The following PPP1CB variants were observed in gnomAD, a reference collection of about 807,000 sequenced individuals.
PPP1CB encodes serine/threonine-protein phosphatase PP1-beta catalytic subunit.
A neutral mutation model predicts 43.7 loss-of-function variants in PPP1CB; 2 were observed. The ratio of observed to expected loss-of-function variants is 0.05; its 90% CI spans 0.02 to 0.14. The LOEUF is 0.14. Among genes scored for constraint, PPP1CB ranks in the 10% least tolerant of loss-of-function variants. PPP1CB has a pLI of 1.00. For missense variants in PPP1CB, 84 were observed against 398.0 expected, an observed-to-expected ratio of 0.21 and a Z score of 6.71; for synonymous variants, 136 against 135.6, an observed-to-expected ratio of 1.00 and a Z score of -0.02.
chr2:28,795,180 T>C (rs1667474198), intron 7 of PPP1CB, among the ~76,000 whole-genome samples: 1 of 152,238 alleles, frequency 6.6e-6, no homozygotes, highest in Non-Finnish European at 1.5e-5. Context: ...ATTTCCTTCC[T>C]TAATTTTATG....
rs769650329 is a variant in PPP1CB, at chr2:28,785,065, CTTTTTTTTT to C, written c.592+1107_592+1115del. 5.5e-4 allele frequency among the ~76,000 whole-genome samples: 30 copies of C among 54,992 alleles called. 1 individual carries two copies. The highest frequency in any genetic ancestry group is 1.2e-3 in the African/African-American group (15 of 12,058). The allele number at this position is 54,992 out of a possible 152,430, so 36.1% of individuals were successfully genotyped here. ...ATGTTGTAATAAATTGTGTTAGGAG[CTTTTTTTTT>C]TTTTTTTTTTTTTTTTTTTGAGACA... On this transcript the variant is annotated intron_variant, in intron 5 of 7. Transcript: ENST00000395366.
chr2:28,797,450 T>G (rs550821882), intron 7 of PPP1CB, among the ~76,000 whole-genome samples: 1 of 152,222 alleles, frequency 6.6e-6, no homozygotes, highest in South Asian at 2.1e-4. Flanking sequence ...TTGGAACTTG[T>G]TATTGTTCTG....
chr2:28,776,945 T>C lies in PPP1CB; in HGVS notation c.147T>C (p.Pro49=). 1.9e-6 allele frequency: 3 copies of C among 1,613,730 alleles called. No homozygotes were observed. The highest frequency in any genetic ancestry group is 2.5e-6 in the Non-Finnish European group (3 of 1,179,706). Residue 49 remains proline, a synonymous_variant, in exon 2 of 8, where the codon CCT becomes CCC. Coordinates refer to ENST00000395366, the MANE Select transcript of PPP1CB (RefSeq NM_002709.3). ...IKSREIFLSQ[P]ILLELEAPLK... is the part of the protein sequence containing the mutation. ...CTCGGGAGATCTTTCTCAGCCAGCC[T>C]ATTCTTTTGGAATTGGAAGCACCGC...
At chr2:28,796,588 T>C (rs1474834355) in intron 7 of PPP1CB, among the ~76,000 whole-genome samples, 2 of 152,184 alleles carry the variant, frequency 1.3e-5, no homozygotes, top group African/African-American at 2.4e-5. Context: ...ATGTTTTTGA[T>C]GTATAGAAAT....
At chr2:28,799,105 AG>A (rs749246247) in intron 7 of PPP1CB, 93 bp from the exon 8 acceptor site, 12 of 811,020 alleles carry the variant, frequency 1.5e-5, no homozygotes, top group Non-Finnish European at 2.4e-5. Context: ...GCATTTTTGC[AG>A]TTTATGCCAT....
intron 1 of PPP1CB, among the ~76,000 whole-genome samples, chr2:28,754,851 C>T (rs1273355456): frequency 1.3e-5 from 2 of 152,142 alleles, no homozygotes; most frequent in Admixed American, 1.3e-4. Context: ...AAGAATTTCT[C>T]TGCATTAGGG....
intron 5 of PPP1CB, among the ~76,000 whole-genome samples, chr2:28,784,670 C>T (rs570846809): frequency 2.6e-4 from 40 of 152,114 alleles, no homozygotes; most frequent in African/African-American, 8.7e-4. Context: ...GTAGTCCCAG[C>T]GCTTTGGGAG....
At chr2:28,786,400 C>T (rs1226126363) in intron 5 of PPP1CB, among the ~76,000 whole-genome samples, 1 of 152,134 alleles carries the variant, frequency 6.6e-6, no homozygotes, top group African/African-American at 2.4e-5. Context: ...AGGCGTGAGC[C>T]ACCATACCTG....
At chr2:28,771,347 G>A (rs570854427) in intron 1 of PPP1CB, among the ~76,000 whole-genome samples, 1 of 152,100 alleles carries the variant, frequency 6.6e-6, no homozygotes, top group East Asian at 1.9e-4. Flanking sequence ...CACTGTACTC[G>A]GCCTTATTCC....
chr2:28,774,127 TG>T (rs1666977406), intron 1 of PPP1CB, among the ~76,000 whole-genome samples: 1 of 152,216 alleles, frequency 6.6e-6, no homozygotes, highest in East Asian at 1.9e-4. Context: ...CACAATTACT[TG>T]AGAAGTGAAA....
At chr2:28,755,464 T>G (rs1666468005) in intron 1 of PPP1CB, among the ~76,000 whole-genome samples, 1 of 152,244 alleles carries the variant, frequency 6.6e-6, no homozygotes, top group Non-Finnish European at 1.5e-5. Context: ...TTTCTTGGAT[T>G]AACTTTTGCT....
intron 6 of PPP1CB, among the ~76,000 whole-genome samples, chr2:28,793,266 C>T (rs1446198090): frequency 1.3e-5 from 2 of 152,098 alleles, no homozygotes; most frequent in Non-Finnish European, 2.9e-5. Flanking sequence ...GGAGCATGAT[C>T]CATGTAAATT....
intron 5 of PPP1CB, among the ~76,000 whole-genome samples, chr2:28,788,318 AC>A (rs1391281995): frequency 6.6e-6 from 1 of 152,228 alleles, no homozygotes; most frequent in Non-Finnish European, 1.5e-5. Context: ...TTGAGGAAAT[AC>A]CACTGGGTTG....
intron 5 of PPP1CB, among the ~76,000 whole-genome samples, chr2:28,786,472 T>G (rs1011796569): frequency 2.6e-5 from 4 of 152,108 alleles, no homozygotes; most frequent in African/African-American, 9.7e-5. Context: ...GTTGCTACCA[T>G]TATTTGATTT....
rs1244515399 is a variant in PPP1CB at position 28,801,329 on chromosome 2, A to G, written c.*2026A>G. On this transcript the variant is annotated 3_prime_UTR_variant, in exon 8 of 8. Coordinates refer to ENST00000395366, the MANE Select transcript of PPP1CB (RefSeq NM_002709.3). ...AAGCCTTTGGCAGGGAAAAAGGGCA[A>G]TGTTGATTAATCTCAGTATTAAACC... 6.6e-6 allele frequency: 1 copy of G among 152,154 alleles called. No homozygotes were observed. The highest frequency in any genetic ancestry group is 1.5e-5 in the Non-Finnish European group (1 of 67,994). The allele number at this position is 152,154 out of a possible 1,614,324, so 9.4% of individuals were successfully genotyped here. A position where few individuals can be genotyped will look rare whatever the true frequency, so the allele number is the denominator to read the frequency against.
chr2:28,784,444 G>C (rs1274423816), intron 5 of PPP1CB, among the ~76,000 whole-genome samples: 1 of 151,804 alleles, frequency 6.6e-6, no homozygotes, highest in Admixed American at 6.6e-5. Context: ...TTTTCAAGGG[G>C]GTGTGGGAGG....
Position 28,764,335 on chromosome 2 carries a change from C to T in PPP1CB, c.52+12159C>T, listed in dbSNP as rs1666732246. ...ATTAGCTGGGCATAGTAGCACCCAC[C>T]TATAATCCCAGCTACTCGGGAGGCT... On this transcript the variant is annotated intron_variant, in intron 1 of 7. Coordinates refer to ENST00000395366, the MANE Select transcript of PPP1CB (RefSeq NM_002709.3). Among the ~76,000 whole-genome samples, 2 of 151,596 alleles carry T rather than the reference C, an allele frequency of 1.3e-5. 1 individual carries two copies. The highest frequency in any genetic ancestry group is 4.2e-4 in the South Asian group (2 of 4,800).
Position 28,801,907 on chromosome 2 carries a change from G to A in PPP1CB, c.*2604G>A, listed in dbSNP as rs1667626205. 1 of 152,036 alleles carries A rather than the reference G, an allele frequency of 6.6e-6. No individual in the cohort carries two copies. The highest frequency in any genetic ancestry group is 2.1e-4 in the South Asian group (1 of 4,830). 9.4% of individuals were successfully genotyped at this position (152,036 alleles called of 1,614,324 possible). Reference sequence around the variant, plus strand: ...CCTTAACATGCATTGCTTTAATTTTGCCCAGGGACAAATTTTAATAATCAG... The same window carrying A: ...CCTTAACATGCATTGCTTTAATTTTACCCAGGGACAAATTTTAATAATCAG... On this transcript the variant is annotated 3_prime_UTR_variant, in exon 8 of 8. Coordinates refer to ENST00000395366, the MANE Select transcript of PPP1CB (RefSeq NM_002709.3).
At chr2:28,797,922 C>G (rs1389868263) in intron 7 of PPP1CB, among the ~76,000 whole-genome samples, 1 of 152,142 alleles carries the variant, frequency 6.6e-6, no homozygotes, top group African/African-American at 2.4e-5. Context: ...CTGTATTTCT[C>G]TTAAAATGCA....
Sources: allele counts gnomAD v4.1 joint callset (sites outside exome capture counted in the v4.1 genomes callset), GRCh38; gene constraint gnomAD v4.1.1; transcripts MANE v1.5; gene names NCBI Gene and HGNC (gene_info 2026-07-23, HGNC 2026-07-21).